Variants in NXF1 observed in about 807,000 individuals in gnomAD.
NXF1 encodes the protein nuclear RNA export factor 1, also known as mRNA export factor TAP.
NXF1 carries 43 observed loss-of-function variants against 92.4 expected under a neutral mutation model. That is an observed-to-expected ratio of 0.47 (90% CI 0.36 to 0.60). NXF1 has a LOEUF of 0.60. NXF1 is among the 20% of genes least tolerant of loss of function. The pLI is 0.00. For synonymous variants in NXF1, 288 were observed against 292.2 expected (o/e 0.99, Z 0.15); for missense variants, 576 against 793.0 (o/e 0.73, Z 3.29).
Position 62,801,597 on chromosome 11 carries a change from T to C in NXF1, c.674A>G (p.Gln225Arg), listed in dbSNP as rs912619280. 4 of 1,614,118 alleles carry C rather than the reference T, an allele frequency of 2.5e-6. No individual in the cohort carries two copies. In the Admixed American group the frequency reaches 6.7e-5, roughly 27 times the overall value. The part of the protein sequence containing the change: ...IMSKRYDGSQ[Q>R]ALDLKGLRSD... ...ACGGAGGCCTTTGAGGTCAAGGGCT[T>C]GTTGGGAGCCATCGTATCGTTTGCT... Residue 225 changes from glutamine to arginine, a missense_variant, in exon 7 of 21, where the codon CAA (glutamine) becomes CGA (arginine). Gln to Arg is a conservative substitution (Grantham distance 43). Around this residue, in one of 2 missense-constraint regions of NXF1, gnomAD observed 425 missense variants for 635.2 expected, o/e 0.67. Transcript: ENST00000294172.
At position 62,801,766 on chromosome 11, in the gene NXF1, C is replaced by T; in HGVS notation, c.612G>A (p.Leu204=). The T allele has an allele frequency of 6.2e-7, 1 of 1,613,968 alleles. No individual in the cohort carries two copies. Among genetic ancestry groups the T allele is most frequent in the Non-Finnish European group, 8.5e-7 (1 of 1,179,930 alleles). ...SAPPHTILNE[L]KPEQVEQLKL... is the part of the protein sequence containing the mutation. Reference sequence around the variant, plus strand: ...TTAGCTGTTCTACTTGTTCTGGCTTCAGTTCATTCAGTATAGTGTGGGGTG... The same window carrying T: ...TTAGCTGTTCTACTTGTTCTGGCTTTAGTTCATTCAGTATAGTGTGGGGTG... Residue 204 remains leucine, a synonymous_variant, in exon 6 of 21, where the codon CTG becomes CTA. Transcript: ENST00000294172.
intron 17 of NXF1, chr11:62,795,234 T>C (rs2084407973): frequency 2.2e-6 from 1 of 458,352 alleles, no homozygotes; most frequent in South Asian, 3.3e-5. Flanking sequence ...TCCCAGCACT[T>C]TGGGAGGCTG....
In NXF1 at chr11:62,803,974, G is replaced by A. The variant is rs767103079; in HGVS notation, c.33C>T (p.His11=). Residue 11 remains histidine (H), a synonymous_variant, in exon 2 of 21, where the codon CAC becomes CAT. Transcript: ENST00000294172. MADEGKSYSE[H]DDERVNFPQR... is the part of the protein sequence containing the mutation. The stretch of plus-strand genomic sequence containing the variant: ...GAGGGAAATTAACGCGTTCATCATC[G>A]TGTTCTAGAGTTAGAAACAGGAACA... The A allele has an allele frequency of 6.2e-7, 1 of 1,612,262 alleles. No individual in the cohort carries two copies. Among genetic ancestry groups the A allele is most frequent in the Non-Finnish European group, 8.5e-7 (1 of 1,179,536 alleles).
At chr11:62,800,071 A>G (rs2084461862) in intron 10 of NXF1, 1 of 1,227,712 alleles carries the variant, frequency 8.1e-7, no homozygotes, top group Admixed American at 3.8e-5. Context: ...GTTAGAGTAG[A>G]AAGGGGAGAT....
chr11:62,799,089 G>A lies in NXF1; in HGVS notation c.1017-514C>T, dbSNP rs1162274094. Reference sequence around the variant, plus strand: ...CAAAGGAATAAGAAAGGAAAAGGAGGAAAAAGAGAAAAAGGCAAGATGGGG... The same window carrying A: ...CAAAGGAATAAGAAAGGAAAAGGAGAAAAAAGAGAAAAAGGCAAGATGGGG... On this transcript the variant is annotated intron_variant, in intron 10 of 20. Transcript: ENST00000294172. The A allele has an allele frequency of 3.0e-6, 3 of 985,926 alleles. No homozygotes were observed. The East Asian group carries it at 3.4e-4, about 111-fold the overall frequency. 61.1% of individuals were successfully genotyped at this position (985,926 alleles called of 1,614,324 possible). A position where few individuals can be genotyped will look rare whatever the true frequency, so the allele number is the denominator to read the frequency against.
rs545909622 is a variant in NXF1, at chr11:62,798,828, G to A, written c.1017-253C>T. The A allele has an allele frequency of 2.3e-6, 3 of 1,302,380 alleles. No homozygotes were observed. The East Asian group carries it at 9.3e-5, about 40-fold the overall frequency. 80.7% of individuals were successfully genotyped at this position (1,302,380 alleles called of 1,614,324 possible). A position where few individuals can be genotyped will look rare whatever the true frequency, so the allele number is the denominator to read the frequency against. ...TGAGTGTCAAGGAGCAGTACTCCAA[G>A]CCCAGGCTTTAAGCCCAGGACCTCT... On this transcript the variant is annotated intron_variant, in intron 10 of 20. Transcript: ENST00000294172.
In NXF1 at chr11:62,792,210, G is replaced by C; in HGVS notation, c.*266C>G. 1.5e-6 allele frequency: 1 copy of C among 648,566 alleles called. No individual in the cohort carries two copies. Among genetic ancestry groups the C allele is most frequent in the South Asian group, 1.9e-5 (1 of 53,110 alleles). The allele number at this position is 648,566 out of a possible 1,614,324, so 40.2% of individuals were successfully genotyped here. ...TTATATTAAAAAGTAAGGAGGTCCTGGGGTTAAGTACACAAAGCACCTAAG... is the reference window on the plus strand; with the variant it reads ...TTATATTAAAAAGTAAGGAGGTCCTCGGGTTAAGTACACAAAGCACCTAAG... On this transcript the variant is annotated 3_prime_UTR_variant, in exon 21 of 21. Transcript: ENST00000294172.
intron 13 of NXF1, 88 bp downstream of exon 13, chr11:62,797,095 A>G (rs2084429414): frequency 8.1e-7 from 1 of 1,230,760 alleles, no homozygotes; most frequent in South Asian, 1.3e-5. Context: ...AAAACAAAAA[A>G]CAAAACAAAA....
intron 10 of NXF1, chr11:62,800,027 C>A (rs1590952825): frequency 1.9e-6 from 2 of 1,040,948 alleles, no homozygotes; most frequent in South Asian, 8.0e-5. Context: ...CACAAGGCAA[C>A]CCCATCTATA....
chr11:62,796,975 G>A, intron 13 of NXF1: 2 of 584,434 alleles, frequency 3.4e-6, no homozygotes, highest in Non-Finnish European at 6.0e-6. Flanking sequence ...GCTGAGGCAG[G>A]AGAATCACTT....
intron 19 of NXF1, among the ~76,000 whole-genome samples, chr11:62,794,034 G>A (rs1262925733): frequency 2.0e-5 from 3 of 151,606 alleles, no homozygotes; most frequent in African/African-American, 7.3e-5. Context: ...AAATAAGGTG[G>A]CACATGCCTA....
intron 10 of NXF1, chr11:62,800,079 G>A: frequency 8.1e-6 from 10 of 1,239,602 alleles, no homozygotes; most frequent in Non-Finnish European, 1.0e-5. Flanking sequence ...AGAAAGGGGA[G>A]ATGCCTTTCC....
At chr11:62,804,976 A>G (rs2084518934) in intron 1 of NXF1, 1 of 229,956 alleles carries the variant, frequency 4.3e-6, no homozygotes, top group Non-Finnish European at 8.4e-6. Context: ...TGGACGCAGT[A>G]AAAAATAGGG....
At chr11:62,795,576 A>C (rs560376189) in intron 17 of NXF1, among the ~76,000 whole-genome samples, 1 of 152,194 alleles carries the variant, frequency 6.6e-6, no homozygotes, top group African/African-American at 2.4e-5. Flanking sequence ...TAGCACCACT[A>C]TGAGACGGCT....
chr11:62,793,325 C>G (rs2084386493), intron 19 of NXF1, among the ~76,000 whole-genome samples: 1 of 152,196 alleles, frequency 6.6e-6, no homozygotes, highest in South Asian at 2.1e-4. Context: ...GATCTGGCCG[C>G]CTCAGCCTCC....
chr11:62,792,630 C>G lies in NXF1; in HGVS notation c.1821+11G>C, dbSNP rs561432628. ...TCCTAGTCTTTTTGCCACTGTATTTCCAGACCTTACCTTGAGATGAGTGAA... is the reference window on the plus strand; with the variant it reads ...TCCTAGTCTTTTTGCCACTGTATTTGCAGACCTTACCTTGAGATGAGTGAA... On this transcript the variant is annotated intron_variant, in intron 20 of 20. Coordinates refer to ENST00000294172, the MANE Select transcript of NXF1 (RefSeq NM_006362.5). 6.2e-6 allele frequency: 10 copies of G among 1,614,180 alleles called. No homozygotes were observed. The African/African-American group carries it at 1.2e-4, about 19-fold the overall frequency.
chr11:62,794,066 C>G (rs943078187), intron 19 of NXF1, among the ~76,000 whole-genome samples, 192 bp downstream of exon 19: 3 of 151,762 alleles, frequency 2.0e-5, no homozygotes, highest in African/African-American at 4.8e-5. Flanking sequence ...ACTCTGGAGG[C>G]TGAGGTGGGA....
chr11:62,798,445 A>C (rs569454618), intron 11 of NXF1, 94 bp downstream of exon 11: 2 of 1,539,876 alleles, frequency 1.3e-6, no homozygotes, highest in Admixed American at 4.5e-5. Context: ...ATAAAAAAAA[A>C]AAAAAGAAAA....
chr11:62,793,319 T>G (rs2084386347), intron 19 of NXF1, among the ~76,000 whole-genome samples: 1 of 152,184 alleles, frequency 6.6e-6, no homozygotes, highest in African/African-American at 2.4e-5. Flanking sequence ...CCTCGTGATC[T>G]GGCCGCCTCA....
Sources: allele counts gnomAD v4.1 joint callset (sites outside exome capture counted in the v4.1 genomes callset), GRCh38; gene constraint gnomAD v4.1.1; regional missense constraint gnomAD v4.1.1; transcripts MANE v1.5; gene names NCBI Gene and HGNC (gene_info 2026-07-23, HGNC 2026-07-21).